Variants in CDH13 observed in about 807,000 individuals in gnomAD.
CDH13 encodes the protein cadherin-13.
A neutral mutation model predicts 63.8 loss-of-function variants in CDH13; 24 were observed. The ratio of observed to expected loss-of-function variants is 0.38; its 90% CI spans 0.27 to 0.53. The LOEUF (loss-of-function observed/expected upper bound fraction) is 0.53, where lower values mean the gene tolerates loss of function less well. CDH13 is among the 20% of genes least tolerant of loss of function. The pLI is 0.85. For missense variants in CDH13, 1,049 were observed against 903.1 expected, an observed-to-expected ratio of 1.16 and a Z score of -2.07; for synonymous variants, 503 against 355.3, an observed-to-expected ratio of 1.42 and a Z score of -4.67.
intron 1 of CDH13, among the ~76,000 whole-genome samples, chr16:82,736,485 T>TA (rs2033679664): frequency 6.6e-6 from 1 of 152,134 alleles, no homozygotes. Flanking sequence ...TGTGGTGAGC[T>TA]AATGGTAAAA....
chr16:83,343,149 G>T (rs1326254037), intron 5 of CDH13, among the ~76,000 whole-genome samples: 1 of 151,802 alleles, frequency 6.6e-6, no homozygotes, highest in African/African-American at 2.4e-5. Context: ...TGAATTTGCT[G>T]GTAAAAGGAT....
At chr16:83,621,045 T>C (rs1283503345) in intron 8 of CDH13, among the ~76,000 whole-genome samples, 1 of 152,090 alleles carries the variant, frequency 6.6e-6, no homozygotes, top group Non-Finnish European at 1.5e-5. Context: ...CGAGCCCTCC[T>C]CCTGCCAGCA....
At chr16:83,124,422 T>C (rs997406147) in intron 3 of CDH13, among the ~76,000 whole-genome samples, 1 of 152,200 alleles carries the variant, frequency 6.6e-6, no homozygotes, top group Non-Finnish European at 1.5e-5. Flanking sequence ...GTTGAATACA[T>C]ACTTTACAAA....
intron 3 of CDH13, among the ~76,000 whole-genome samples, chr16:83,076,372 G>T (rs992448236): frequency 6.6e-6 from 1 of 152,180 alleles, no homozygotes; most frequent in African/African-American, 2.4e-5. Flanking sequence ...TTCAGAGCTT[G>T]TTGCTGGGGA....
intron 2 of CDH13, among the ~76,000 whole-genome samples, chr16:82,916,104 C>T (rs188389596): frequency 6.6e-6 from 1 of 151,976 alleles, no homozygotes; most frequent in Non-Finnish European, 1.5e-5. Context: ...CCTTTTTATT[C>T]TTGATTTTAC....
At chr16:83,250,500 CAG>C (rs1254988107) in intron 5 of CDH13, among the ~76,000 whole-genome samples, 2 of 152,122 alleles carry the variant, frequency 1.3e-5, no homozygotes, top group African/African-American at 2.4e-5. Context: ...TCTGCTGAAA[CAG>C]AGCTGACAAG....
At chr16:83,066,790 G>T (rs899916355) in intron 3 of CDH13, among the ~76,000 whole-genome samples, 6 of 152,158 alleles carry the variant, frequency 3.9e-5, no homozygotes, top group Non-Finnish European at 1.5e-5. Flanking sequence ...AGTCCACATG[G>T]TCAGCACATT....
intron 1 of CDH13, among the ~76,000 whole-genome samples, chr16:82,798,596 G>A (rs1045277830): frequency 1.3e-5 from 2 of 152,102 alleles, no homozygotes; most frequent in Admixed American, 6.5e-5. Flanking sequence ...AATTACTCAG[G>A]GCTGTTTTTG....
chr16:83,519,100 C>G (rs1255166503), intron 7 of CDH13, among the ~76,000 whole-genome samples: 2 of 152,076 alleles, frequency 1.3e-5, no homozygotes, highest in Non-Finnish European at 2.9e-5. Context: ...AGCTTAGAAT[C>G]TGGAAGGATA....
intron 5 of CDH13, among the ~76,000 whole-genome samples, chr16:83,227,578 C>T (rs1233909315): frequency 6.6e-6 from 1 of 152,152 alleles, no homozygotes; most frequent in Non-Finnish European, 1.5e-5. Flanking sequence ...TCTGGCCTGC[C>T]CACTGCTTCC....
intron 2 of CDH13, among the ~76,000 whole-genome samples, chr16:82,964,290 G>C (rs897156357): frequency 3.9e-5 from 6 of 152,206 alleles, no homozygotes; most frequent in African/African-American, 1.4e-4. Context: ...TTATGAAGTG[G>C]TTTTATCTTG....
chr16:82,746,586 A>G (rs2034185529), intron 1 of CDH13, among the ~76,000 whole-genome samples: 3 of 152,160 alleles, frequency 2.0e-5, no homozygotes, highest in African/African-American at 7.2e-5. Context: ...CTAATTTATG[A>G]ATAAAGTACA....
chr16:83,519,739 A>G (rs1453986565), intron 7 of CDH13, among the ~76,000 whole-genome samples: 1 of 152,158 alleles, frequency 6.6e-6, no homozygotes, highest in Non-Finnish European at 1.5e-5. Context: ...CGGGGAGAGG[A>G]AAGAAAGGTG....
intron 5 of CDH13, among the ~76,000 whole-genome samples, chr16:83,248,414 C>T (rs561376482): frequency 3.9e-4 from 60 of 152,190 alleles, no homozygotes; most frequent in South Asian, 3.1e-3. Context: ...GATCAGCAGC[C>T]GCAAATCAGC....
intron 8 of CDH13, among the ~76,000 whole-genome samples, chr16:83,643,746 T>C (rs962946658): frequency 4.6e-5 from 7 of 152,220 alleles, no homozygotes; most frequent in Non-Finnish European, 1.0e-4. Context: ...CCAGGTTTCC[T>C]ACCAAATAGA....
At chr16:82,914,376 A>AG (rs1319280654) in intron 2 of CDH13, among the ~76,000 whole-genome samples, 2 of 152,222 alleles carry the variant, frequency 1.3e-5, no homozygotes, top group African/African-American at 4.8e-5. Flanking sequence ...TTTTACAGGG[A>AG]GAAAAAAATG....
At chr16:82,895,808 C>T (rs11150515) in intron 2 of CDH13, among the ~76,000 whole-genome samples, 118,629 of 151,858 alleles carry the variant, frequency 0.78, 46,505 homozygotes, top group East Asian at 0.87. Context: ...AGCTTGAACA[C>T]GTCCACAGAA....
At chr16:83,714,628 T>A (rs1216438110) in intron 10 of CDH13, among the ~76,000 whole-genome samples, 1 of 152,214 alleles carries the variant, frequency 6.6e-6, no homozygotes, top group African/African-American at 2.4e-5. Context: ...CAAAACATTG[T>A]CTATAGAGAC....
chr16:83,756,434 A>G (rs1008780515), intron 11 of CDH13, among the ~76,000 whole-genome samples: 7 of 152,236 alleles, frequency 4.6e-5, no homozygotes, highest in East Asian at 1.9e-4. Context: ...ACATGAAAGT[A>G]TTTTTTAAAA....
Sources: gnomAD v4.1 joint callset for allele counts (sites outside exome capture counted in the v4.1 genomes callset) on GRCh38, gnomAD v4.1.1 for gene constraint, MANE v1.5 for transcripts, NCBI Gene and HGNC (gene_info 2026-07-23, HGNC 2026-07-21) for gene names.